Variants in RTTN observed in about 807,000 individuals in gnomAD.
RTTN encodes the protein rotatin.
A neutral mutation model predicts 269.2 loss-of-function variants in RTTN; 182 were observed. The ratio of observed to expected loss-of-function variants is 0.68; its 90% CI spans 0.60 to 0.76. The LOEUF (loss-of-function observed/expected upper bound fraction) is 0.76. Ranked by LOEUF, RTTN falls within the 30% of genes least tolerant of loss-of-function variation. The probability of loss-of-function intolerance (pLI) is 0.00; values close to 1 mark genes in which losing one functional copy is unlikely to be tolerated. For synonymous variants in RTTN, 1,006 were observed against 963.5 expected, an observed-to-expected ratio of 1.04 and a Z score of -0.82; for missense variants, 2,545 against 2,608.6, an observed-to-expected ratio of 0.98 and a Z score of 0.53.
At chr18:70,070,657 C>A (rs2058270374) in intron 34 of RTTN, among the ~76,000 whole-genome samples, 1 of 152,174 alleles carries the variant, frequency 6.6e-6, no homozygotes. Flanking sequence ...CTCTTCAAAT[C>A]CAAAAGCTGA....
At chr18:70,032,300 C>T (rs563464752) in intron 40 of RTTN, among the ~76,000 whole-genome samples, 31 of 152,280 alleles carry the variant, frequency 2.0e-4, no homozygotes, top group East Asian at 7.7e-4. Flanking sequence ...CTCCCAGGTA[C>T]GGGCCCATAC....
intron 40 of RTTN, among the ~76,000 whole-genome samples, chr18:70,039,674 T>C (rs2057282364): frequency 6.6e-6 from 1 of 152,168 alleles, no homozygotes; most frequent in South Asian, 2.1e-4. Context: ...ATTGTAACAC[T>C]GTAATGGTGT....
chr18:70,082,083 TAA>T (rs1208398303), intron 32 of RTTN, among the ~76,000 whole-genome samples: 1 of 152,104 alleles, frequency 6.6e-6, no homozygotes, highest in East Asian at 1.9e-4. Context: ...AAATAAAGTT[TAA>T]AAAGTCTGTG....
chr18:70,104,793 C>T (rs1326968326), intron 28 of RTTN, among the ~76,000 whole-genome samples: 11 of 152,152 alleles, frequency 7.2e-5, no homozygotes, highest in Non-Finnish European at 4.4e-5. Flanking sequence ...GTATCACCAG[C>T]GGAGGCTGCA....
chr18:70,012,483 C>T (rs1457549268), intron 46 of RTTN, among the ~76,000 whole-genome samples: 1 of 130,518 alleles, frequency 7.7e-6, no homozygotes, highest in African/African-American at 2.9e-5. Flanking sequence ...GTATTGGTTA[C>T]AGGGCAGTGT....
At chr18:70,152,300 G>A (rs1299579658) in intron 14 of RTTN, among the ~76,000 whole-genome samples, 1 of 152,140 alleles carries the variant, frequency 6.6e-6, no homozygotes, top group East Asian at 1.9e-4. Flanking sequence ...GGGCTTTGGA[G>A]TGAGCCTATA....
At chr18:70,032,133 T>C (rs539044528) in intron 40 of RTTN, among the ~76,000 whole-genome samples, 33 of 152,298 alleles carry the variant, frequency 2.2e-4, no homozygotes, top group African/African-American at 7.9e-4. Context: ...CCCCTTAGGC[T>C]AGACTTGCTC....
Position 70,142,268 on chromosome 18 carries a change from T to C in RTTN, c.2581+20A>G, listed in dbSNP as rs2060275640. Reference sequence around the variant, plus strand: ...TCTATTATCAGCAGTACAGCAATCATTTCCCTTAAAAGACATTACCTTGCA... The same window carrying C: ...TCTATTATCAGCAGTACAGCAATCACTTCCCTTAAAAGACATTACCTTGCA... On this transcript the variant is annotated intron_variant, in intron 19 of 48. Transcript: ENST00000640769. The C allele has an allele frequency of 9.5e-6, 14 of 1,476,426 alleles. No individual in the cohort carries two copies. Among genetic ancestry groups the C allele is most frequent in the Non-Finnish European group, 1.3e-5 (14 of 1,058,846 alleles). 91.5% of individuals were successfully genotyped at this position (1,476,426 alleles called of 1,614,324 possible).
At chr18:70,092,632 T>C in intron 29 of RTTN, 44 bp downstream of exon 29, 2 of 1,590,774 alleles carry the variant, frequency 1.3e-6, no homozygotes, top group East Asian at 2.3e-5. Context: ...GCACATTCCC[T>C]TTCAAGCAAA....
At chr18:70,179,885 A>T (rs1273972490) in intron 10 of RTTN, among the ~76,000 whole-genome samples, 1 of 152,140 alleles carries the variant, frequency 6.6e-6, no homozygotes, top group Non-Finnish European at 1.5e-5. Context: ...TTCTCTGATT[A>T]AAAGCAATCT....
chr18:70,075,551 G>GAGAGGGAA lies in RTTN; in HGVS notation c.4375-18_4375-11dup, dbSNP rs780754858. 10 of 1,547,778 alleles carry GAGAGGGAA rather than the reference G, an allele frequency of 6.5e-6. No individual in the cohort carries two copies. The East Asian group carries it at 2.4e-4, about 36-fold the overall frequency. On this transcript the variant is annotated splice_polypyrimidine_tract_variant and intron_variant, in intron 32 of 48. Transcript: ENST00000640769. ...CATGAACACAGGGACCCTGTAGGAA[G>GAGAGGGAA]AGAGGGAAAGAAGGAGGAGACACTG... is the stretch of plus-strand genomic sequence containing the variant.
chr18:70,028,320 G>T (rs2056911726), intron 43 of RTTN, among the ~76,000 whole-genome samples: 1 of 151,942 alleles, frequency 6.6e-6, no homozygotes, highest in Non-Finnish European at 1.5e-5. Context: ...CTAGGTAGCA[G>T]CTCTAACTAT....
At chr18:70,127,967 A>G (rs2059908547) in intron 24 of RTTN, 2 of 523,892 alleles carry the variant, frequency 3.8e-6, no homozygotes, top group Non-Finnish European at 6.8e-6. Flanking sequence ...AAAAATTTTT[A>G]TTCACTTAAG....
At position 70,030,912 on chromosome 18, in the gene RTTN, C is replaced by T; in HGVS notation, c.5611G>A (p.Ala1871Thr). 6.2e-7 allele frequency: 1 copy of T among 1,613,680 alleles called. No individual in the cohort carries two copies. Among genetic ancestry groups the T allele is most frequent in the Non-Finnish European group, 8.5e-7 (1 of 1,179,850 alleles). ...VAANALMSLL[A>T]VSRRAQKHAL... The stretch of plus-strand genomic sequence containing the variant: ...TGTTTCTGTGCTCTTCTACTGACAG[C>T]CAGCAGTGACATCAATGCATTTGCA... Residue 1871 changes from alanine to threonine, a missense_variant, in exon 41 of 49, where the codon GCT becomes ACT. Coordinates refer to ENST00000640769, the MANE Select transcript of RTTN (RefSeq NM_173630.4).
At chr18:70,009,800 G>C (rs113082757) in intron 46 of RTTN, among the ~76,000 whole-genome samples, 3 of 152,044 alleles carry the variant, frequency 2.0e-5, no homozygotes, top group Non-Finnish European at 2.9e-5. Flanking sequence ...TGGATGAAGC[G>C]TCAAGACCCA....
At chr18:70,166,730 T>C in intron 13 of RTTN, 189 bp downstream of exon 13, 1 of 445,188 alleles carries the variant, frequency 2.2e-6, no homozygotes. Flanking sequence ...AGTTTAATCT[T>C]GAATATAACA....
intron 14 of RTTN, among the ~76,000 whole-genome samples, chr18:70,159,799 T>A (rs1435375963): frequency 2.0e-5 from 3 of 152,032 alleles, no homozygotes; most frequent in Non-Finnish European, 4.4e-5. Flanking sequence ...AAAAACTCTA[T>A]GCATACCAAA....
chr18:70,190,710 A>T lies in RTTN; in HGVS notation c.1017T>A (p.Ser339Arg). ...TCCTGGAGTTTACATGAGCATGACT[A>T]CTACTTCCACTGCAAGATAAACAAA... ...DWDAASSSGS[S>R]SHAHVNSRIS... Residue 339 changes from serine to arginine, a missense_variant, in exon 9 of 49, where the codon AGT becomes AGA. Coordinates refer to ENST00000640769, the MANE Select transcript of RTTN (RefSeq NM_173630.4). The T allele has an allele frequency of 1.3e-6, 2 of 1,598,888 alleles. No individual in the cohort carries two copies. Among genetic ancestry groups the T allele is most frequent in the Non-Finnish European group, 1.7e-6 (2 of 1,167,512 alleles).
chr18:70,175,045 C>CAAAAAAAAAAAAAAAAAAAAAAAAAA (rs5825998), intron 11 of RTTN, among the ~76,000 whole-genome samples: 4 of 86,852 alleles, frequency 4.6e-5, no homozygotes, highest in Non-Finnish European at 4.2e-5. Context: ...AAACCAAAAC[C>CAAAAAAAAAAAAAAAAAAAAAAAAAA]AAAAAAAAAA....
Sources: allele counts gnomAD v4.1 joint callset (sites outside exome capture counted in the v4.1 genomes callset), GRCh38; gene constraint gnomAD v4.1.1; transcripts MANE v1.5; gene names NCBI Gene and HGNC (gene_info 2026-07-23, HGNC 2026-07-21).